Variants in PTPN13 observed in about 807,000 individuals in gnomAD.
PTPN13 encodes tyrosine-protein phosphatase non-receptor type 13.
A neutral mutation model predicts 284.0 loss-of-function variants in PTPN13; 191 were observed. The observed-to-expected ratio is 0.67, with a 90% CI of 0.60 to 0.76. The LOEUF (loss-of-function observed/expected upper bound fraction) is 0.76. Among genes scored for constraint, PTPN13 ranks in the 30% least tolerant of loss-of-function variants. The pLI, the probability that PTPN13 is intolerant of heterozygous loss-of-function variation, is 0.00. For synonymous variants in PTPN13, 986 were observed against 1,022.3 expected, an observed-to-expected ratio of 0.96 and a Z score of 0.68; for missense variants, 2,797 against 2,939.9, an observed-to-expected ratio of 0.95 and a Z score of 1.12.
At chr4:86,668,199 G>A (rs1727305581) in intron 2 of PTPN13, among the ~76,000 whole-genome samples, 1 of 152,144 alleles carries the variant, frequency 6.6e-6, no homozygotes, top group Admixed American at 6.5e-5. Context: ...ATTCTTGAAT[G>A]CAGTCAACAC....
chr4:86,677,460 G>A (rs1250173613), intron 3 of PTPN13, among the ~76,000 whole-genome samples: 3 of 151,144 alleles, frequency 2.0e-5, no homozygotes, highest in Non-Finnish European at 2.9e-5. Flanking sequence ...GACTACAGGC[G>A]CATGCCACCA....
At position 86,784,370 on chromosome 4, in the gene PTPN13, A is replaced by C. The variant is rs181007582; in HGVS notation, c.6025-95A>C. 1.4e-4 allele frequency: 109 copies of C among 759,992 alleles called. 1 individual carries two copies. Among genetic ancestry groups the C allele is most frequent in the Middle Eastern group, 9.5e-4 (4 of 4,216 alleles). The allele number at this position is 759,992 out of a possible 1,614,324, so 47.1% of individuals were successfully genotyped here. A position where few individuals can be genotyped will look rare whatever the true frequency, so the allele number is the denominator to read the frequency against. On this transcript the variant is annotated intron_variant, in intron 37 of 47. Coordinates refer to ENST00000411767, the MANE Select transcript of PTPN13 (RefSeq NM_080683.3). Reference sequence around the variant, plus strand: ...TGGAGAGATGTAAAATGGATCTTGTACTAAGAAAGAAGAGGAGAGAGACAA... The same window carrying C: ...TGGAGAGATGTAAAATGGATCTTGTCCTAAGAAAGAAGAGGAGAGAGACAA...
intron 17 of PTPN13, among the ~76,000 whole-genome samples, chr4:86,748,719 G>A (rs1328835232): frequency 2.6e-5 from 4 of 151,952 alleles, no homozygotes; most frequent in Non-Finnish European, 2.9e-5. Context: ...GCAGTGGCGC[G>A]ATCTCAGCTC....
intron 7 of PTPN13, among the ~76,000 whole-genome samples, chr4:86,711,011 C>A (rs1235625393): frequency 6.6e-6 from 1 of 151,492 alleles, no homozygotes; most frequent in Admixed American, 6.6e-5. Context: ...GCAACCTCTG[C>A]CTCCTGGGCT....
intron 3 of PTPN13, among the ~76,000 whole-genome samples, chr4:86,674,420 A>G (rs1728051709): frequency 6.6e-6 from 1 of 152,210 alleles, no homozygotes; most frequent in South Asian, 2.1e-4. Flanking sequence ...AAGGAATTCT[A>G]ATTTCTTTAA....
At chr4:86,780,364 T>C in intron 35 of PTPN13, 38 bp from the exon 36 acceptor site, 1 of 1,558,316 alleles carries the variant, frequency 6.4e-7, no homozygotes, top group Non-Finnish European at 8.7e-7. Context: ...GGCTACAATG[T>C]CCAAGACAAT....
intron 3 of PTPN13, among the ~76,000 whole-genome samples, chr4:86,679,229 C>T (rs1578399813): frequency 6.6e-6 from 1 of 152,220 alleles, no homozygotes; most frequent in Non-Finnish European, 1.5e-5. Flanking sequence ...CAACTGATCT[C>T]CTCACTGTCT....
intron 40 of PTPN13, among the ~76,000 whole-genome samples, chr4:86,792,510 C>T (rs1742804497): frequency 6.6e-6 from 1 of 152,106 alleles, no homozygotes; most frequent in African/African-American, 2.4e-5. Context: ...ACAGAGAACA[C>T]CACAAAGATA....
At chr4:86,643,904 A>G (rs1312264240) in intron 2 of PTPN13, among the ~76,000 whole-genome samples, 2 of 152,188 alleles carry the variant, frequency 1.3e-5, no homozygotes, top group Non-Finnish European at 2.9e-5. Context: ...AAGTTTAAAA[A>G]TTGATAACAC....
intron 38 of PTPN13, 134 bp downstream of exon 38, chr4:86,784,692 A>AAG: frequency 1.6e-6 from 1 of 619,514 alleles, no homozygotes; most frequent in Middle Eastern, 4.4e-4. Flanking sequence ...TGGTCAAATA[A>AAG]ACAAAAGAAC....
chr4:86,762,691 A>G, intron 23 of PTPN13, 36 bp from the exon 24 acceptor site: 1 of 1,469,154 alleles, frequency 6.8e-7, no homozygotes. Flanking sequence ...GTGTATCACT[A>G]ACTTGTTACT....
intron 27 of PTPN13, 128 bp from the exon 28 acceptor site, chr4:86,767,689 T>G: frequency 1.4e-6 from 1 of 705,276 alleles, no homozygotes; most frequent in Non-Finnish European, 2.2e-6. Context: ...TTCTCCCCCT[T>G]CATTTGGTGG....
chr4:86,693,733 C>CA, intron 6 of PTPN13, 59 bp downstream of exon 6: 1 of 1,191,880 alleles, frequency 8.4e-7, no homozygotes, highest in Non-Finnish European at 1.1e-6. Context: ...GTTTTCTTTA[C>CA]AAAATTATAC....
At chr4:86,811,256 A>AAAT in intron 47 of PTPN13, 148 bp downstream of exon 47, 1 of 632,132 alleles carries the variant, frequency 1.6e-6, no homozygotes, top group Non-Finnish European at 2.5e-6. Context: ...ATTTTTTTTT[A>AAAT]AATGAGGACT....
In PTPN13 at chr4:86,762,827, CCACT is replaced by C; in HGVS notation, c.3655_3658del (p.His1219GlyfsTer6). 1 of 1,613,912 alleles carries C rather than the reference CCACT, an allele frequency of 6.2e-7. No homozygotes were observed. The highest frequency in any genetic ancestry group is 2.2e-5 in the East Asian group (1 of 44,882). ...CTATAGATTCTTCTTCCAAGGATCA[CCACT>C]GGTCACGTGGTACCCTGAGGCACAT... On this transcript the variant is annotated frameshift_variant, in exon 24 of 48. Coordinates refer to ENST00000411767, the MANE Select transcript of PTPN13 (RefSeq NM_080683.3). LOFTEE classifies it high-confidence loss of function.
At chr4:86,740,245 T>A (rs1736015812) in intron 15 of PTPN13, among the ~76,000 whole-genome samples, 1 of 152,190 alleles carries the variant, frequency 6.6e-6, no homozygotes, top group Non-Finnish European at 1.5e-5. Context: ...CTATCACAGG[T>A]TCTCCATTAG....
intron 3 of PTPN13, among the ~76,000 whole-genome samples, chr4:86,684,050 C>G (rs1729182248): frequency 6.6e-6 from 1 of 151,182 alleles, no homozygotes; most frequent in African/African-American, 2.4e-5. Flanking sequence ...TATTGAATAT[C>G]TGCTATGTAA....
At position 86,745,146 on chromosome 4, in the gene PTPN13, A is replaced by G. The variant is rs1736594695; in HGVS notation, c.2650+18A>G. On this transcript the variant is annotated intron_variant, in intron 17 of 47. Coordinates refer to ENST00000411767, the MANE Select transcript of PTPN13 (RefSeq NM_080683.3). ...AGATATTGGTAAGGAGAAGCAGACT[A>G]TTTCAGATGACTCCTGGGAATATGA... is the stretch of plus-strand genomic sequence containing the variant. 6.3e-7 allele frequency: 1 copy of G among 1,592,288 alleles called. No homozygotes were observed. The highest frequency in any genetic ancestry group is 1.1e-5 in the South Asian group (1 of 87,706).
At chr4:86,731,628 T>C (rs1367540219) in intron 10 of PTPN13, among the ~76,000 whole-genome samples, 2 of 152,136 alleles carry the variant, frequency 1.3e-5, no homozygotes, top group African/African-American at 4.8e-5. Context: ...GACCAATTTT[T>C]TTGTTTTTGT....
Sources: allele counts gnomAD v4.1 joint callset (sites outside exome capture counted in the v4.1 genomes callset), GRCh38; gene constraint gnomAD v4.1.1; transcripts MANE v1.5; gene names NCBI Gene and HGNC (gene_info 2026-07-23, HGNC 2026-07-21).